The following P2RY14 variants were observed in gnomAD, a reference collection of about 807,000 sequenced individuals.
The protein encoded by P2RY14 is P2Y purinoceptor 14.
A neutral mutation model predicts 0.9 loss-of-function variants in P2RY14; 2 were observed. That is an observed-to-expected ratio of 2.16 (90% confidence interval 0.88 to 6.79). The LOEUF is 6.79. Ranked by LOEUF, P2RY14 falls within the 30% of genes most tolerant of loss-of-function variation. The pLI is 0.05. For synonymous variants in P2RY14, 158 were observed against 147.2 expected, an observed-to-expected ratio of 1.07 and a Z score of -0.53; for missense variants, 378 against 400.1, an observed-to-expected ratio of 0.94 and a Z score of 0.47.
At chr3:151,229,717 G>A (rs139909171) in intron 1 of P2RY14, among the ~76,000 whole-genome samples, 1,944 of 151,800 alleles carry the variant, frequency 0.013, 46 homozygotes, top group African/African-American at 0.045. Context: ...CGCCTGCCTC[G>A]GCCTCCCAAA....
intron 1 of P2RY14, among the ~76,000 whole-genome samples, chr3:151,223,867 T>C (rs1017584187): frequency 6.6e-6 from 1 of 152,224 alleles, no homozygotes; most frequent in Non-Finnish European, 1.5e-5. Flanking sequence ...CATTGCCTAC[T>C]CCTGGGGAGG....
Position 151,253,571 on chromosome 3 carries a change from AT to A in P2RY14, c.-133+24715del, listed in dbSNP as rs545570459. ...TCTCTCTGAATTCCTATAGTGCTTA[AT>A]TTAATTCTACTTAGGCCACCCCTCA... On this transcript the variant is annotated intron_variant, in intron 1 of 2. Transcript: ENST00000309170. 3.5e-3 allele frequency among the ~76,000 whole-genome samples: 528 copies of A among 152,196 alleles called. 1 individual carries two copies. Among genetic ancestry groups the A allele is most frequent in the African/African-American group, 0.012 (497 of 41,512 alleles).
chr3:151,221,184 G>A (rs1344070659), intron 1 of P2RY14, among the ~76,000 whole-genome samples: 2 of 152,188 alleles, frequency 1.3e-5, no homozygotes, highest in Non-Finnish European at 2.9e-5. Flanking sequence ...TCTAGCTGAA[G>A]AAATTTCTAA....
chr3:151,261,031 G>A (rs1258123487), intron 1 of P2RY14, among the ~76,000 whole-genome samples: 1 of 152,102 alleles, frequency 6.6e-6, no homozygotes, highest in Non-Finnish European at 1.5e-5. Flanking sequence ...GAGGATCCCT[G>A]TGTGTTTAAC....
chr3:151,240,923 T>G (rs1016801763), intron 1 of P2RY14, among the ~76,000 whole-genome samples: 2 of 152,210 alleles, frequency 1.3e-5, no homozygotes, highest in African/African-American at 4.8e-5. Flanking sequence ...CTTGCCTGAA[T>G]CACTGAACCT....
At chr3:151,256,055 T>G (rs1737756606) in intron 1 of P2RY14, among the ~76,000 whole-genome samples, 1 of 152,242 alleles carries the variant, frequency 6.6e-6, no homozygotes, top group African/African-American at 2.4e-5. Context: ...AACTGCATGG[T>G]TCAACATATG....
At chr3:151,232,923 A>T (rs893244083) in intron 1 of P2RY14, among the ~76,000 whole-genome samples, 1 of 152,100 alleles carries the variant, frequency 6.6e-6, no homozygotes, top group Admixed American at 6.6e-5. Flanking sequence ...TTGAAACTAA[A>T]TTTTTTTTAA....
chr3:151,256,816 T>G (rs1737895470), intron 1 of P2RY14, among the ~76,000 whole-genome samples: 1 of 75,528 alleles, frequency 1.3e-5, no homozygotes, highest in Non-Finnish European at 3.2e-5. Flanking sequence ...ATCCAGTCTG[T>G]TTTTTTTTTT....
intron 1 of P2RY14, among the ~76,000 whole-genome samples, chr3:151,236,651 G>T (rs149628051): frequency 6.6e-6 from 1 of 151,966 alleles, no homozygotes; most frequent in Non-Finnish European, 1.5e-5. Context: ...ACAAATTTTT[G>T]TAACATCTAT....
At position 151,268,335 on chromosome 3, in the gene P2RY14, C is replaced by T. The variant is rs576563183; in HGVS notation, c.-133+9952G>A. ...CCTAATTTGTTAAAAAGAATTCAGT[C>T]TATGCTAATGACATGGTAATTTTCT... is the stretch of plus-strand genomic sequence containing the variant. On this transcript the variant is annotated intron_variant, in intron 1 of 2. Transcript: ENST00000309170. Among the ~76,000 whole-genome samples, 5 of 152,196 alleles carry T rather than the reference C, an allele frequency of 3.3e-5. No individual in the cohort carries two copies. The South Asian group carries it at 8.3e-4, about 25-fold the overall frequency.
intron 1 of P2RY14, among the ~76,000 whole-genome samples, chr3:151,250,285 T>G (rs1736586750): frequency 6.6e-6 from 1 of 152,208 alleles, no homozygotes; most frequent in Non-Finnish European, 1.5e-5. Context: ...TGTGGTGAAA[T>G]ACACATAACA....
At chr3:151,260,263 A>G (rs1334862411) in intron 1 of P2RY14, among the ~76,000 whole-genome samples, 2 of 152,202 alleles carry the variant, frequency 1.3e-5, no homozygotes, top group African/African-American at 2.4e-5. Flanking sequence ...TTAAGAGTTG[A>G]TACAGCCAAA....
intron 1 of P2RY14, among the ~76,000 whole-genome samples, chr3:151,223,141 A>G (rs1265111254): frequency 6.7e-6 from 1 of 148,254 alleles, no homozygotes; most frequent in Non-Finnish European, 1.5e-5. Flanking sequence ...CATATATTCT[A>G]ACTTTACAAC....
Position 151,271,705 on chromosome 3 carries a change from C to G in P2RY14, c.-133+6582G>C, listed in dbSNP as rs144793339. Among the ~76,000 whole-genome samples the G allele has an allele frequency of 3.8e-3, 578 of 152,290 alleles. 4 individuals are homozygous for G. Among genetic ancestry groups the G allele is most frequent in the African/African-American group, 0.014 (561 of 41,552 alleles). Reference sequence around the variant, plus strand: ...ATGCGGGCCCACAATATAGGTAAATCTCAAAACATGCTGAGCAAAACAAGT... The same window carrying G: ...ATGCGGGCCCACAATATAGGTAAATGTCAAAACATGCTGAGCAAAACAAGT... On this transcript the variant is annotated intron_variant, in intron 1 of 2. Coordinates refer to ENST00000309170, the MANE Select transcript of P2RY14 (RefSeq NM_014879.4).
In P2RY14 at chr3:151,277,478, A is replaced by G. The variant is rs1257640830; in HGVS notation, c.-133+809T>C. ...ATGTTTTAGAAAGATGAATATACAA[A>G]CTATTTATTTTTTTACTAGTGTGAT... is the stretch of plus-strand genomic sequence containing the variant. On this transcript the variant is annotated intron_variant, in intron 1 of 2. Coordinates refer to ENST00000309170, the MANE Select transcript of P2RY14 (RefSeq NM_014879.4). Among the ~76,000 whole-genome samples, 3 of 152,034 alleles carry G rather than the reference A, an allele frequency of 2.0e-5. No individual in the cohort carries two copies. The East Asian group carries it at 5.8e-4, about 29-fold the overall frequency.
At chr3:151,244,158 A>G (rs981607126) in intron 1 of P2RY14, among the ~76,000 whole-genome samples, 8 of 131,318 alleles carry the variant, frequency 6.1e-5, no homozygotes, top group South Asian at 2.7e-4. Flanking sequence ...ACTCCCACAC[A>G]TTAATAATGG....
intron 1 of P2RY14, among the ~76,000 whole-genome samples, chr3:151,246,587 G>T (rs1735545925): frequency 6.6e-6 from 1 of 152,144 alleles, no homozygotes; most frequent in Non-Finnish European, 1.5e-5. Context: ...GCTGAAACTG[G>T]ATCCCTTTCT....
chr3:151,270,023 T>A, intron 1 of P2RY14: 1 of 240,888 alleles, frequency 4.2e-6, no homozygotes, highest in Non-Finnish European at 8.1e-6. Flanking sequence ...AGATAAATGA[T>A]GAAGAAGGAT....
At chr3:151,224,284 T>C (rs901136623) in intron 1 of P2RY14, among the ~76,000 whole-genome samples, 6 of 152,316 alleles carry the variant, frequency 3.9e-5, no homozygotes, top group African/African-American at 1.4e-4. Context: ...AAAGCTTTAA[T>C]ACACAGTGCT....
Sources: allele counts gnomAD v4.1 joint callset (sites outside exome capture counted in the v4.1 genomes callset), GRCh38; gene constraint gnomAD v4.1.1; transcripts MANE v1.5; gene names NCBI Gene and HGNC (gene_info 2026-07-23, HGNC 2026-07-21).